The following GALNT7 variants were observed in gnomAD, a reference collection of about 807,000 sequenced individuals.
The protein encoded by GALNT7 is polypeptide N-acetylgalactosaminyltransferase 7, also known as N-acetylgalactosaminyltransferase 7.
In GALNT7, 60 loss-of-function variants were observed where a neutral mutation model predicts 82.1. The ratio of observed to expected loss-of-function variants is 0.73; its 90% CI spans 0.59 to 0.91. GALNT7 has a LOEUF of 0.91. GALNT7 is among the 40% of genes least tolerant of loss of function. The pLI is 0.00. For synonymous variants in GALNT7, 243 were observed against 275.1 expected (o/e 0.88, Z 1.15); for missense variants, 660 against 804.2 (o/e 0.82, Z 2.17).
At chr4:173,319,842 G>A (rs958529580) in intron 11 of GALNT7, among the ~76,000 whole-genome samples, 1 of 152,102 alleles carries the variant, frequency 6.6e-6, no homozygotes, top group Non-Finnish European at 1.5e-5. Context: ...AATGCCATAG[G>A]ACAGAAAAGA....
In GALNT7 at chr4:173,302,835, C is replaced by T. The variant is rs1736998218; in HGVS notation, c.1266+671C>T. Among the ~76,000 whole-genome samples the T allele has an allele frequency of 6.6e-6, 1 of 152,208 alleles. No individual in the cohort carries two copies. The highest frequency in any genetic ancestry group is 2.1e-4 in the South Asian group (1 of 4,834). ...TAAACCAGTTGTTGCTCTCAAGGAA[C>T]TTGATAAGAAGATATTAGAATTATA... On this transcript the variant is annotated intron_variant, in intron 7 of 11. Transcript: ENST00000265000. The surrounding 1 kb of genome is among the most constrained non-coding windows in gnomAD (Gnocchi z 4.2).
In GALNT7 at chr4:173,302,269, C is replaced by A. The variant is rs1736971251; in HGVS notation, c.1266+105C>A. Reference sequence around the variant, plus strand: ...GGGGGAAAAAAGCCCACAATTATATCATGCATTTCTCCAAATTGTATAGAA... The same window carrying A: ...GGGGGAAAAAAGCCCACAATTATATAATGCATTTCTCCAAATTGTATAGAA... On this transcript the variant is annotated intron_variant, in intron 7 of 11. Transcript: ENST00000265000. This position sits in a 1 kb window ranked among gnomAD's most constrained non-coding sequence, Gnocchi z 4.2. 1 of 732,232 alleles carries A rather than the reference C, an allele frequency of 1.4e-6. No homozygotes were observed. Among genetic ancestry groups the A allele is most frequent in the Non-Finnish European group, 2.5e-6 (1 of 404,890 alleles). 45.4% of individuals were successfully genotyped at this position (732,232 alleles called of 1,614,324 possible). A position where few individuals can be genotyped will look rare whatever the true frequency, so the allele number is the denominator to read the frequency against.
chr4:173,184,545 G>T, intron 1 of GALNT7, among the ~76,000 whole-genome samples: 1 of 150,220 alleles, frequency 6.7e-6, no homozygotes, highest in Non-Finnish European at 1.5e-5. Flanking sequence ...CGAGATGGCG[G>T]CAGTACAGTC....
At position 173,256,215 on chromosome 4, in the gene GALNT7, G is replaced by C. The variant is rs917498582; in HGVS notation, c.587+7775G>C. Reference sequence around the variant, plus strand: ...ACTGTAGTTGCCGCTATATTTAGCTGTCTGAAGAAGCTGCACGTGCATCCA... The same window carrying C: ...ACTGTAGTTGCCGCTATATTTAGCTCTCTGAAGAAGCTGCACGTGCATCCA... On this transcript the variant is annotated intron_variant, in intron 2 of 11. Transcript: ENST00000265000. Among the ~76,000 whole-genome samples the C allele has an allele frequency of 2.0e-5, 3 of 152,174 alleles. No homozygotes were observed. The South Asian group carries it at 6.2e-4, about 31-fold the overall frequency.
chr4:173,215,385 C>T (rs1356402324), intron 1 of GALNT7, among the ~76,000 whole-genome samples: 1 of 152,032 alleles, frequency 6.6e-6, no homozygotes, highest in Non-Finnish European at 1.5e-5. Context: ...CGTGTGCCAC[C>T]ATGCCTGGCT....
intron 5 of GALNT7, among the ~76,000 whole-genome samples, chr4:173,296,370 G>A (rs886976826): frequency 6.6e-6 from 1 of 152,130 alleles, no homozygotes; most frequent in African/African-American, 2.4e-5. Context: ...AACAACATAA[G>A]GCACCATCAG....
chr4:173,259,058 C>G (rs1239712706), intron 2 of GALNT7, among the ~76,000 whole-genome samples: 2 of 152,192 alleles, frequency 1.3e-5, no homozygotes, highest in Admixed American at 1.3e-4. Flanking sequence ...ACATCCGCTT[C>G]CACCTCCCTA....
chr4:173,266,985 C>T (rs2126779428), intron 2 of GALNT7, among the ~76,000 whole-genome samples: 1 of 148,954 alleles, frequency 6.7e-6, no homozygotes, highest in Non-Finnish European at 1.5e-5. Flanking sequence ...ATACAGTTAG[C>T]TGGAAGGAAT....
intron 1 of GALNT7, among the ~76,000 whole-genome samples, chr4:173,210,802 A>G (rs1733256382): frequency 6.6e-6 from 1 of 152,210 alleles, no homozygotes; most frequent in African/African-American, 2.4e-5. Context: ...AAAAATTAAA[A>G]TGTTAAATAT....
chr4:173,261,918 T>C (rs1365755420), intron 2 of GALNT7, among the ~76,000 whole-genome samples: 1 of 152,156 alleles, frequency 6.6e-6, no homozygotes, highest in Non-Finnish European at 1.5e-5. Context: ...GAAATTAAAA[T>C]AAAATTTTAA....
chr4:173,190,647 C>T (rs1187344150), intron 1 of GALNT7, among the ~76,000 whole-genome samples: 1 of 151,822 alleles, frequency 6.6e-6, no homozygotes, highest in Non-Finnish European at 1.5e-5. Flanking sequence ...CCCAAGTTCA[C>T]ATGAATAGGG....
intron 2 of GALNT7, among the ~76,000 whole-genome samples, chr4:173,273,369 T>C (rs543631597): frequency 1.3e-5 from 2 of 152,334 alleles, no homozygotes; most frequent in South Asian, 4.1e-4. Context: ...TTGGTCTCCA[T>C]TGAAGTCTTT....
intron 11 of GALNT7, among the ~76,000 whole-genome samples, chr4:173,319,889 T>C (rs1344176148): frequency 1.3e-5 from 2 of 152,118 alleles, no homozygotes; most frequent in Non-Finnish European, 2.9e-5. Flanking sequence ...AGGAGTTTCA[T>C]AGAGGAAGTG....
chr4:173,262,001 A>G (rs1233523882), intron 2 of GALNT7, among the ~76,000 whole-genome samples: 1 of 152,154 alleles, frequency 6.6e-6, no homozygotes, highest in Non-Finnish European at 1.5e-5. Context: ...TTTAAAATTA[A>G]AAGAAACGAG....
chr4:173,319,252 A>T (rs1737717806), intron 11 of GALNT7, among the ~76,000 whole-genome samples: 2 of 152,018 alleles, frequency 1.3e-5, no homozygotes, highest in South Asian at 4.1e-4. Context: ...ATTAAACAAA[A>T]AGTGGGGAAA....
chr4:173,323,476 AAGAG>A lies in GALNT7; in HGVS notation c.*1763_*1766del, dbSNP rs1255777527. The stretch of plus-strand genomic sequence containing the variant: ...TAAACCAACTATAAAAAAAGAAACT[AAGAG>A]AGAATTGGTACTTTAATTACTTGTG... On this transcript the variant is annotated 3_prime_UTR_variant, in exon 12 of 12. Transcript: ENST00000265000. 2.6e-5 allele frequency: 4 copies of A among 152,622 alleles called. No homozygotes were observed. The highest frequency in any genetic ancestry group is 6.5e-5 in the Admixed American group (1 of 15,278). The allele number at this position is 152,622 out of a possible 1,614,324, so 9.5% of individuals were successfully genotyped here.
At chr4:173,226,426 C>T (rs72995616) in intron 1 of GALNT7, among the ~76,000 whole-genome samples, 5,015 of 152,210 alleles carry the variant, frequency 0.033, 268 homozygotes, top group African/African-American at 0.11. Flanking sequence ...CAGTCCTCAA[C>T]ATTTTACTCT....
intron 7 of GALNT7, among the ~76,000 whole-genome samples, chr4:173,303,683 T>G (rs1209663785): frequency 1.3e-5 from 2 of 152,152 alleles, no homozygotes; most frequent in Non-Finnish European, 2.9e-5. Context: ...GCAATGGAAA[T>G]GATTAATGAG....
intron 1 of GALNT7, among the ~76,000 whole-genome samples, chr4:173,192,371 C>T (rs1359852389): frequency 6.6e-6 from 1 of 152,036 alleles, no homozygotes; most frequent in African/African-American, 2.4e-5. Context: ...ACTTTATAAG[C>T]AACAAGTTCC....
Sources: gnomAD v4.1 joint callset for allele counts (sites outside exome capture counted in the v4.1 genomes callset) on GRCh38, gnomAD v4.1.1 for gene constraint, Gnocchi (gnomAD v3.1) non-coding constraint, MANE v1.5 for transcripts, NCBI Gene and HGNC (gene_info 2026-07-23, HGNC 2026-07-21) for gene names.